Variants in REPS1 observed in about 807,000 individuals in gnomAD.
REPS1 encodes the protein ralBP1-associated Eps domain-containing protein 1.
Under a neutral mutation model 100.9 loss-of-function variants are expected in REPS1, and 39 were observed. The observed-to-expected ratio is 0.39, with a 90% CI of 0.30 to 0.50. The LOEUF (loss-of-function observed/expected upper bound fraction) is 0.50, where lower values mean the gene tolerates loss of function less well. REPS1 is among the 20% of genes least tolerant of loss of function. The pLI is 0.86. For synonymous variants in REPS1, 324 were observed against 340.3 expected, an observed-to-expected ratio of 0.95 and a Z score of 0.53; for missense variants, 821 against 968.5, an observed-to-expected ratio of 0.85 and a Z score of 2.02.
intron 1 of REPS1, among the ~76,000 whole-genome samples, chr6:138,981,648 G>T (rs562440518): frequency 6.6e-6 from 1 of 152,116 alleles, no homozygotes; most frequent in Non-Finnish European, 1.5e-5. Context: ...TTTTAAAGGG[G>T]TGTGGCTGGA....
intron 8 of REPS1, among the ~76,000 whole-genome samples, chr6:138,931,316 G>A (rs986030605): frequency 1.3e-5 from 2 of 151,884 alleles, no homozygotes; most frequent in African/African-American, 2.4e-5. Flanking sequence ...TAATACATAC[G>A]GGCACTCAGG....
At chr6:138,914,121 G>C (rs939314094) in intron 15 of REPS1, among the ~76,000 whole-genome samples, 1 of 152,038 alleles carries the variant, frequency 6.6e-6, no homozygotes, top group African/African-American at 2.4e-5. Context: ...CCAGGCTGGA[G>C]TGCAGTGGTG....
rs530785671 is a variant in REPS1, at chr6:138,981,010, C to T, written c.153+6520G>A. The stretch of plus-strand genomic sequence containing the variant: ...CAGAAGTGTTTAGCATTTCACAGGT[C>T]AGCCTGCTCTTCCTTAAAACTGAAT... On this transcript the variant is annotated intron_variant, in intron 1 of 19. Coordinates refer to ENST00000450536, the MANE Select transcript of REPS1 (RefSeq NM_001286611.2). Among the ~76,000 whole-genome samples the T allele has an allele frequency of 2.4e-4, 37 of 152,306 alleles. 1 individual carries two copies. In the South Asian group the frequency reaches 7.7e-3, roughly 32 times the overall value.
intron 1 of REPS1, among the ~76,000 whole-genome samples, chr6:138,971,387 C>G (rs963787890): frequency 1.3e-5 from 2 of 151,920 alleles, no homozygotes; most frequent in Non-Finnish European, 2.9e-5. Flanking sequence ...AACCCAGCAC[C>G]CTCATCTCTA....
chr6:138,912,244 A>C lies in REPS1; in HGVS notation c.1971+521T>G, dbSNP rs1466045238. ...GAACTACAATAGAATATCCTAGAAC[A>C]CTGTGAATATTAAATTTTGGTATCC... On this transcript the variant is annotated intron_variant, in intron 16 of 19. Coordinates refer to ENST00000450536, the MANE Select transcript of REPS1 (RefSeq NM_001286611.2). Among the ~76,000 whole-genome samples, 3 of 152,346 alleles carry C rather than the reference A, an allele frequency of 2.0e-5. No individual in the cohort carries two copies. The East Asian group carries it at 5.8e-4, about 29-fold the overall frequency.
At position 138,987,758 on chromosome 6, in the gene REPS1, G is replaced by T. The variant is rs1308261935; in HGVS notation, c.-76C>A. 5.0e-6 allele frequency: 7 copies of T among 1,409,496 alleles called. No homozygotes were observed. The Admixed American group carries it at 9.5e-5, about 19-fold the overall frequency. 87.3% of individuals were successfully genotyped at this position (1,409,496 alleles called of 1,614,324 possible). On this transcript the variant is annotated 5_prime_UTR_variant, in exon 1 of 20. Transcript: ENST00000450536. ...CGGCCCCAGGAACCTGGGCCGGCAG[G>T]GGCTGCGCGTGGCCCGGCCTCCTGC... is the stretch of plus-strand genomic sequence containing the variant.
intron 1 of REPS1, among the ~76,000 whole-genome samples, chr6:138,955,863 C>T (rs959159790): frequency 1.3e-5 from 2 of 152,086 alleles, no homozygotes; most frequent in African/African-American, 2.4e-5. Context: ...AATACACTAC[C>T]TCCTTCAGTT....
At chr6:138,917,304 T>C (rs1044344726) in intron 13 of REPS1, among the ~76,000 whole-genome samples, 4 of 152,250 alleles carry the variant, frequency 2.6e-5, no homozygotes, top group East Asian at 1.9e-4. Flanking sequence ...AAAGGACTTA[T>C]AAAACTTCTA....
intron 10 of REPS1, 24 bp from the exon 11 acceptor site, chr6:138,921,148 A>G: frequency 6.9e-7 from 1 of 1,455,442 alleles, no homozygotes; most frequent in Non-Finnish European, 9.5e-7. Flanking sequence ...GGAGGAAATA[A>G]AGAATTTGTA....
At chr6:138,936,268 C>T (rs1252586423) in intron 8 of REPS1, among the ~76,000 whole-genome samples, 1 of 152,028 alleles carries the variant, frequency 6.6e-6, no homozygotes, top group African/African-American at 2.4e-5. Flanking sequence ...TCATAGCTTA[C>T]TGTAACCTCG....
intron 1 of REPS1, among the ~76,000 whole-genome samples, chr6:138,955,457 A>AAGTGTGTATGTGTGTGTGTGTGT (rs10689184): frequency 1.1e-5 from 1 of 90,720 alleles, no homozygotes; most frequent in Non-Finnish European, 2.0e-5. Flanking sequence ...AAAAAAAAAA[A>AAGTGTGTATGTGTGTGTGTGTGT]GTGTGTGTGT....
chr6:138,979,551 C>T (rs1048023400), intron 1 of REPS1, among the ~76,000 whole-genome samples: 1 of 152,184 alleles, frequency 6.6e-6, no homozygotes, highest in Non-Finnish European at 1.5e-5. Flanking sequence ...ACTGAAGTTA[C>T]TAATAACTTC....
At chr6:138,969,451 ATT>A (rs1297090821) in intron 1 of REPS1, among the ~76,000 whole-genome samples, 15 of 133,096 alleles carry the variant, frequency 1.1e-4, no homozygotes, top group Non-Finnish European at 1.1e-4. Flanking sequence ...CAGCTGGCCA[ATT>A]TTTTTTTTTT....
intron 9 of REPS1, 92 bp from the exon 10 acceptor site, chr6:138,926,573 C>T (rs1781139340): frequency 3.6e-6 from 3 of 826,704 alleles, no homozygotes; most frequent in Non-Finnish European, 6.1e-6. Flanking sequence ...TCAGAGGTTG[C>T]ACTGCAAGTT....
chr6:138,936,963 A>G (rs1485320004), intron 8 of REPS1, among the ~76,000 whole-genome samples: 1 of 152,168 alleles, frequency 6.6e-6, no homozygotes, highest in Non-Finnish European at 1.5e-5. Context: ...AAGACATACC[A>G]AGACTGGGCA....
At chr6:138,956,056 A>C (rs1656317865) in intron 1 of REPS1, among the ~76,000 whole-genome samples, 1 of 152,160 alleles carries the variant, frequency 6.6e-6, no homozygotes, top group African/African-American at 2.4e-5. Context: ...TAACGCCTTT[A>C]TGCATTAATA....
intron 1 of REPS1, among the ~76,000 whole-genome samples, chr6:138,966,055 C>G (rs1784001962): frequency 6.6e-6 from 1 of 152,106 alleles, no homozygotes; most frequent in South Asian, 2.1e-4. Flanking sequence ...CAGAGAGGCT[C>G]AGTAATTCGC....
Position 138,941,482 on chromosome 6 carries a change from A to C in REPS1, c.988T>G (p.Ser330Ala). ...ILELSHIWELSDFDKDGALTL... is the reference protein window; with the variant it reads ...ILELSHIWELADFDKDGALTL... ...AATGCACCATCTTTATCAAAGTCTGAGAGTTCCCTAGAAGATAAGTTTATT... is the reference window on the plus strand; with the variant it reads ...AATGCACCATCTTTATCAAAGTCTGCGAGTTCCCTAGAAGATAAGTTTATT... The change falls in exon 8 of 20, where the codon TCA (serine) becomes GCA (alanine). Residue 330 changes from serine (S) to alanine (A), a missense_variant. This residue lies in a region of REPS1 where 757 missense variants were observed against 866.4 expected (regional missense o/e 0.87). Coordinates refer to ENST00000450536, the MANE Select transcript of REPS1 (RefSeq NM_001286611.2). 1 of 1,613,340 alleles carries C rather than the reference A, an allele frequency of 6.2e-7. No homozygotes were observed.
At chr6:138,976,815 C>T (rs1354686614) in intron 1 of REPS1, among the ~76,000 whole-genome samples, 2 of 152,106 alleles carry the variant, frequency 1.3e-5, no homozygotes, top group African/African-American at 2.4e-5. Context: ...TAGCTTGATG[C>T]TAATGTAATG....
Sources: allele counts gnomAD v4.1 joint callset (sites outside exome capture counted in the v4.1 genomes callset), GRCh38; gene constraint gnomAD v4.1.1; regional missense constraint gnomAD v4.1.1; transcripts MANE v1.5; gene names NCBI Gene and HGNC (gene_info 2026-07-23, HGNC 2026-07-21).